The following MAP3K19 variants were observed in gnomAD, a reference collection of about 807,000 sequenced individuals.
MAP3K19 encodes SPS1/STE20-related protein kinase YSK4.
Under a neutral mutation model 114.4 loss-of-function variants are expected in MAP3K19, and 91 were observed. The ratio of observed to expected loss-of-function variants is 0.80; its 90% CI spans 0.67 to 0.95. The LOEUF is 0.95. MAP3K19 is among the 40% of genes least tolerant of loss of function. The pLI, the probability that MAP3K19 is intolerant of heterozygous loss-of-function variation, is 0.00. For synonymous variants in MAP3K19, 518 were observed against 530.5 expected, an observed-to-expected ratio of 0.98 and a Z score of 0.32; for missense variants, 1,471 against 1,573.2, an observed-to-expected ratio of 0.94 and a Z score of 1.10.
chr2:135,002,924 AC>A (rs1330927746), intron 6 of MAP3K19, among the ~76,000 whole-genome samples: 2 of 152,142 alleles, frequency 1.3e-5, no homozygotes, highest in Non-Finnish European at 2.9e-5. Flanking sequence ...TGTGTCCCCC[AC>A]CGCACATTAA....
chr2:134,997,833 T>TTAA (rs1423903261), intron 8 of MAP3K19, among the ~76,000 whole-genome samples: 1 of 122,788 alleles, frequency 8.1e-6, no homozygotes, highest in Non-Finnish European at 1.7e-5. Flanking sequence ...AAAAAAAACT[T>TTAA]TAAGCACTGC....
chr2:134,985,967 G>C lies in MAP3K19; in HGVS notation c.2905C>G (p.Leu969Val). ...SVNNEELTDE[L>V]LGCLAAELLA... is the part of the protein sequence containing the mutation. ...AATTCTGCAGCTAGACAACCTAATA[G>C]TTCATCTGTCAATTCTTCATTATTT... The change falls in exon 10 of 13, where the codon CTA (leucine) becomes GTA (valine). Residue 969 changes from leucine to valine, a missense_variant. Transcript: ENST00000392915. 6.2e-7 allele frequency: 1 copy of C among 1,613,932 alleles called. No homozygotes were observed.
At chr2:135,014,188 A>G (rs1687426234) in intron 5 of MAP3K19, among the ~76,000 whole-genome samples, 1 of 152,062 alleles carries the variant, frequency 6.6e-6, no homozygotes, top group African/African-American at 2.4e-5. Flanking sequence ...CCCCATCTCT[A>G]CAAAAAAATG....
chr2:135,029,133 G>A (rs1398258780), intron 3 of MAP3K19, among the ~76,000 whole-genome samples: 1 of 152,238 alleles, frequency 6.6e-6, no homozygotes, highest in Non-Finnish European at 1.5e-5. Context: ...AGCACTTTGG[G>A]AGGCCGAGGC....
At chr2:134,985,667 AACAG>A (rs1331306949) in intron 10 of MAP3K19, 129 bp downstream of exon 10, 1 of 452,208 alleles carries the variant, frequency 2.2e-6, no homozygotes, top group African/African-American at 3.9e-5. Flanking sequence ...CTTGTGATCA[AACAG>A]TGAGACCTTG....
chr2:135,029,849 C>G (rs1354383017), intron 3 of MAP3K19, among the ~76,000 whole-genome samples: 1 of 152,182 alleles, frequency 6.6e-6, no homozygotes, highest in African/African-American at 2.4e-5. Flanking sequence ...GAAGACAGCC[C>G]TTTAAAAATG....
chr2:134,986,630 C>A lies in MAP3K19; in HGVS notation c.2242G>T (p.Ala748Ser). 1.2e-6 allele frequency: 2 copies of A among 1,614,136 alleles called. No homozygotes were observed. The highest frequency in any genetic ancestry group is 4.5e-5 in the East Asian group (2 of 44,878). ...ATGTCATGTAGGTTGCTATGTACAGCCTTGGAACTCTTTTCTTTAGAAATT... is the reference window on the plus strand; with the variant it reads ...ATGTCATGTAGGTTGCTATGTACAGACTTGGAACTCTTTTCTTTAGAAATT... ...VLISKEKSSK[A>S]VHSNLHDIEN... The change falls in exon 10 of 13, where the codon GCT (alanine) becomes TCT (serine). Residue 748 changes from alanine (A) to serine (S), a missense_variant. By Grantham distance (99) the Ala-to-Ser change is moderately conservative. Transcript: ENST00000392915.
At chr2:134,965,713 T>C (rs146655192) in intron 12 of MAP3K19, among the ~76,000 whole-genome samples, 2 of 152,322 alleles carry the variant, frequency 1.3e-5, no homozygotes, top group Non-Finnish European at 2.9e-5. Context: ...AATGAGTATT[T>C]GTCATTTCTA....
chr2:135,045,627 C>T (rs1307254250), intron 1 of MAP3K19, among the ~76,000 whole-genome samples: 2 of 152,166 alleles, frequency 1.3e-5, no homozygotes, highest in Admixed American at 6.5e-5. Flanking sequence ...AAGGTTATTA[C>T]CTAGCAATGT....
chr2:134,993,556 G>A (rs1169120407), intron 8 of MAP3K19, among the ~76,000 whole-genome samples: 2 of 152,146 alleles, frequency 1.3e-5, no homozygotes, highest in Non-Finnish European at 1.5e-5. Flanking sequence ...AGAGGTTGAG[G>A]TTTTCTATTG....
At chr2:134,997,900 CT>C (rs984967761) in intron 8 of MAP3K19, among the ~76,000 whole-genome samples, 5 of 150,796 alleles carry the variant, frequency 3.3e-5, no homozygotes, top group Admixed American at 2.7e-4. Flanking sequence ...AATAATTATT[CT>C]TTTTTTTCTT....
At chr2:135,011,054 A>G (rs905436615) in intron 5 of MAP3K19, among the ~76,000 whole-genome samples, 1 of 152,312 alleles carries the variant, frequency 6.6e-6, no homozygotes, top group Non-Finnish European at 1.5e-5. Context: ...AACTATAAAA[A>G]CCTATTTCAG....
chr2:134,969,184 C>T (rs997198425), intron 12 of MAP3K19, among the ~76,000 whole-genome samples: 6 of 133,684 alleles, frequency 4.5e-5, no homozygotes, highest in African/African-American at 1.5e-4. Context: ...CCCGTCTCCA[C>T]CAAAAAAAAA....
chr2:135,007,223 T>C (rs1686889551), intron 5 of MAP3K19, among the ~76,000 whole-genome samples: 1 of 152,152 alleles, frequency 6.6e-6, no homozygotes. Flanking sequence ...ATATTTTAGG[T>C]ATTCAATCAT....
chr2:135,014,031 AGTTT>A (rs1286736184), intron 5 of MAP3K19, among the ~76,000 whole-genome samples: 31 of 152,192 alleles, frequency 2.0e-4, no homozygotes, highest in Middle Eastern at 6.8e-3. Flanking sequence ...CTTAACTGAG[AGTTT>A]GTTTGGGCAT....
chr2:134,978,077 A>G (rs1420806349), intron 12 of MAP3K19, among the ~76,000 whole-genome samples: 1 of 151,904 alleles, frequency 6.6e-6, no homozygotes, highest in Non-Finnish European at 1.5e-5. Flanking sequence ...TTCTCCAGTT[A>G]TGTGCTAGAC....
At chr2:134,998,515 C>T (rs527543732) in intron 8 of MAP3K19, among the ~76,000 whole-genome samples, 23 of 152,280 alleles carry the variant, frequency 1.5e-4, no homozygotes, top group Middle Eastern at 3.4e-3. Context: ...ACATATAGTG[C>T]TCTTTCTGCT....
In MAP3K19 at chr2:134,987,020, A is replaced by C. The variant is rs768814197; in HGVS notation, c.1852T>G (p.Cys618Gly). Residue 618 changes from cysteine to glycine, a missense_variant, in exon 10 of 13, where the codon TGT becomes GGT. By Grantham distance (159) the Cys-to-Gly change is radical. Transcript: ENST00000392915. ...KPKKQSFPCI[C>G]KNPGTQKSCV... ...GACTTCTGTGTTCCTGGATTTTTAC[A>C]GATGCAAGGAAATGATTGCTTTTTA... 1.9e-6 allele frequency: 3 copies of C among 1,613,336 alleles called. No individual in the cohort carries two copies. The highest frequency in any genetic ancestry group is 2.2e-5 in the South Asian group (2 of 91,080).
chr2:135,011,536 C>CAAAAAA (rs61361416), intron 5 of MAP3K19, among the ~76,000 whole-genome samples: 2 of 79,242 alleles, frequency 2.5e-5, no homozygotes, highest in African/African-American at 8.7e-5. Flanking sequence ...GACTCTGTCT[C>CAAAAAA]AAAAAAAAAA....
Sources: gnomAD v4.1 joint callset for allele counts (sites outside exome capture counted in the v4.1 genomes callset) on GRCh38, gnomAD v4.1.1 for gene constraint, MANE v1.5 for transcripts, NCBI Gene and HGNC (gene_info 2026-07-23, HGNC 2026-07-21) for gene names.